Variants in AVL9 observed in about 807,000 individuals in gnomAD.
AVL9 encodes late secretory pathway protein AVL9 homolog.
A neutral mutation model predicts 79.2 loss-of-function variants in AVL9; 49 were observed. The ratio of observed to expected loss-of-function variants is 0.62; its 90% CI spans 0.49 to 0.79. The LOEUF (loss-of-function observed/expected upper bound fraction) is 0.79. AVL9 is among the 30% of genes least tolerant of loss of function. AVL9 has a pLI of 0.00. For synonymous variants in AVL9, 299 were observed against 280.6 expected, an observed-to-expected ratio of 1.07 and a Z score of -0.65; for missense variants, 682 against 776.8, an observed-to-expected ratio of 0.88 and a Z score of 1.45.
chr7:32,495,666 C>A lies in AVL9; in HGVS notation c.-44C>A. The A allele has an allele frequency of 8.2e-7, 1 of 1,223,196 alleles. No individual in the cohort carries two copies. The highest frequency in any genetic ancestry group is 1.0e-6 in the Non-Finnish European group (1 of 962,620). The allele number at this position is 1,223,196 out of a possible 1,614,324, so 75.8% of individuals were successfully genotyped here. Reference sequence around the variant, plus strand: ...CACGGTGGGGTCGTCAGACCCGCTGCCCTTGGCGGTCGAAGTCGTCGTGCG... The same window carrying A: ...CACGGTGGGGTCGTCAGACCCGCTGACCTTGGCGGTCGAAGTCGTCGTGCG... On this transcript the variant is annotated 5_prime_UTR_variant, in exon 1 of 16. Coordinates refer to ENST00000318709, the MANE Select transcript of AVL9 (RefSeq NM_015060.3).
At chr7:32,572,760 C>G (rs1474173861) in intron 11 of AVL9, among the ~76,000 whole-genome samples, 1 of 133,102 alleles carries the variant, frequency 7.5e-6, no homozygotes, top group Non-Finnish European at 1.5e-5. Context: ...CAAGATTGTG[C>G]CATGGCACTC....
At chr7:32,523,628 G>A (rs1449582245) in intron 1 of AVL9, among the ~76,000 whole-genome samples, 1 of 140,734 alleles carries the variant, frequency 7.1e-6, no homozygotes, top group Non-Finnish European at 1.5e-5. Flanking sequence ...CTATTCTCTT[G>A]CCTCAGCCTC....
At position 32,543,132 on chromosome 7, in the gene AVL9, C is replaced by T; in HGVS notation, c.94-9C>T. The T allele has an allele frequency of 6.2e-7, 1 of 1,613,018 alleles. No individual in the cohort carries two copies. ...ACCACCTTTTGGCTAACATTCCTTA[C>T]TATTTTAGGTTGAATTCTCTTACCC... On this transcript the variant is annotated splice_polypyrimidine_tract_variant and intron_variant, in intron 1 of 15. Transcript: ENST00000318709.
chr7:32,525,700 T>C (rs542153573), intron 1 of AVL9, among the ~76,000 whole-genome samples: 5 of 152,200 alleles, frequency 3.3e-5, no homozygotes, highest in Non-Finnish European at 7.3e-5. Flanking sequence ...CCTAATGGAA[T>C]AGGTTTATTT....
At chr7:32,562,581 A>G (rs1410984844) in intron 10 of AVL9, 1 of 968,430 alleles carries the variant, frequency 1.0e-6, no homozygotes, top group East Asian at 1.1e-4. Flanking sequence ...TCATTTCTTA[A>G]TGTCAGTAAT....
intron 4 of AVL9, among the ~76,000 whole-genome samples, chr7:32,549,196 CAA>C (rs3079782): frequency 0.5 from 70,561 of 142,252 alleles, 18,646 homozygotes; most frequent in East Asian, 0.65. Flanking sequence ...TGGTTTTGTC[CAA>C]AAAAAAAAAA....
chr7:32,551,967 C>T (rs1029576052), intron 5 of AVL9, among the ~76,000 whole-genome samples: 6 of 151,604 alleles, frequency 4.0e-5, no homozygotes, highest in South Asian at 2.1e-4. Flanking sequence ...GAATGAACCA[C>T]GCTCTAAAAT....
intron 15 of AVL9, among the ~76,000 whole-genome samples, chr7:32,583,017 C>T (rs935310533): frequency 3.9e-5 from 6 of 152,152 alleles, no homozygotes; most frequent in Non-Finnish European, 1.5e-5. Flanking sequence ...TTCTATAAAA[C>T]ACAATAGACC....
chr7:32,527,806 C>T (rs1788468282), intron 1 of AVL9, among the ~76,000 whole-genome samples: 1 of 152,274 alleles, frequency 6.6e-6, no homozygotes, highest in Admixed American at 6.5e-5. Context: ...AAATAAAATT[C>T]AAAGTGTGTT....
chr7:32,552,185 T>A (rs556587872), intron 5 of AVL9, 44 bp from the exon 6 acceptor site: 1 of 1,220,520 alleles, frequency 8.2e-7, no homozygotes, highest in South Asian at 1.3e-5. Flanking sequence ...AATTCAGATC[T>A]AAAATGATAG....
At chr7:32,546,727 G>A (rs1789526323) in intron 3 of AVL9, among the ~76,000 whole-genome samples, 1 of 152,094 alleles carries the variant, frequency 6.6e-6, no homozygotes, top group Non-Finnish European at 1.5e-5. Context: ...GGAGGCTGAG[G>A]CAGGAGAACT....
rs1166836882 is a variant in AVL9, at chr7:32,559,527, C to G, written c.1215+63C>G. On this transcript the variant is annotated intron_variant, in intron 10 of 15. Coordinates refer to ENST00000318709, the MANE Select transcript of AVL9 (RefSeq NM_015060.3). ...TTTGAAAAATCCTTTCGGAGTTTAA[C>G]TTTTGAACTTTTGGTATTCAACACA... 3 of 1,480,500 alleles carry G rather than the reference C, an allele frequency of 2.0e-6. No homozygotes were observed. The African/African-American group carries it at 4.2e-5, about 21-fold the overall frequency. The allele number at this position is 1,480,500 out of a possible 1,614,324, so 91.7% of individuals were successfully genotyped here. A position where few individuals can be genotyped will look rare whatever the true frequency, so the allele number is the denominator to read the frequency against.
rs1350841491 is a variant in AVL9, at chr7:32,565,560, A to AG, written c.1216-4460_1216-4459insG. On this transcript the variant is annotated intron_variant, in intron 10 of 15. Transcript: ENST00000318709. ...GGCAACAAGAGCAAAACTCCGTCTCAAAAAAAAAAAAAGAAAGAAAGAAAT... is the reference window on the plus strand; with the variant it reads ...GGCAACAAGAGCAAAACTCCGTCTCAGAAAAAAAAAAAAGAAAGAAAGAAAT... Among the ~76,000 whole-genome samples, 115 of 4,222 alleles carry AG rather than the reference A, an allele frequency of 0.027. No homozygotes were observed. In the Middle Eastern group the frequency reaches 0.33, roughly 12 times the overall value. 2.8% of individuals were successfully genotyped at this position (4,222 alleles called of 152,430 possible).
At chr7:32,511,587 A>G (rs964213582) in intron 1 of AVL9, among the ~76,000 whole-genome samples, 2 of 152,004 alleles carry the variant, frequency 1.3e-5, no homozygotes, top group Non-Finnish European at 2.9e-5. Flanking sequence ...GACACTTGGA[A>G]AGGGGTGCCT....
intron 1 of AVL9, chr7:32,537,017 T>G (rs1788943364): frequency 6.6e-6 from 1 of 152,218 alleles, no homozygotes; most frequent in Admixed American, 6.5e-5. Context: ...TATGGAGGTT[T>G]CATTACATAG....
rs1259737789 is a variant in AVL9 at position 32,573,252 on chromosome 7, C to T, written c.1404C>T (p.Asn468=). 3 of 1,613,786 alleles carry T rather than the reference C, an allele frequency of 1.9e-6. No homozygotes were observed. Among genetic ancestry groups the T allele is most frequent in the African/African-American group, 2.7e-5 (2 of 74,820 alleles). The part of the protein sequence containing the change: ...IHDPELRKLL[N]PTTADLRFAD... Reference sequence around the variant, plus strand: ...ATCCAGAACTCAGGAAGCTGCTTAACCCAACCACTGCAGACCTAAGGTTCG... The same window carrying T: ...ATCCAGAACTCAGGAAGCTGCTTAATCCAACCACTGCAGACCTAAGGTTCG... The change falls in exon 12 of 16, where the codon AAC becomes AAT. Residue 468 remains asparagine, a synonymous_variant. Coordinates refer to ENST00000318709, the MANE Select transcript of AVL9 (RefSeq NM_015060.3).
chr7:32,522,933 C>G (rs1159532121), intron 1 of AVL9, among the ~76,000 whole-genome samples: 1 of 151,972 alleles, frequency 6.6e-6, no homozygotes, highest in Non-Finnish European at 1.5e-5. Flanking sequence ...TCCTCATTTT[C>G]TCTTGCCACC....
At chr7:32,546,069 C>CTTTT (rs57046702) in intron 3 of AVL9, among the ~76,000 whole-genome samples, 3 of 99,022 alleles carry the variant, frequency 3.0e-5, no homozygotes, top group African/African-American at 7.6e-5. Flanking sequence ...TACCTGGAGA[C>CTTTT]TTTTTTTTTT....
chr7:32,530,282 T>G (rs1352953161), intron 1 of AVL9, among the ~76,000 whole-genome samples: 1 of 152,232 alleles, frequency 6.6e-6, no homozygotes, highest in Non-Finnish European at 1.5e-5. Flanking sequence ...AACTATGTTT[T>G]AAGTGAGAGT....
Sources: allele counts gnomAD v4.1 joint callset (sites outside exome capture counted in the v4.1 genomes callset), GRCh38; gene constraint gnomAD v4.1.1; transcripts MANE v1.5; gene names NCBI Gene and HGNC (gene_info 2026-07-23, HGNC 2026-07-21).